Variants in PRORP observed in about 807,000 individuals in gnomAD.
The protein encoded by PRORP is protein only RNase P catalytic subunit.
In PRORP, 51 loss-of-function variants were observed where a neutral mutation model predicts 59.4. The observed-to-expected ratio is 0.86, with a 90% confidence interval of 0.69 to 1.08. The LOEUF (loss-of-function observed/expected upper bound fraction) is 1.08, where lower values mean the gene tolerates loss of function less well. PRORP is among the 50% of genes least tolerant of loss of function. The pLI is 0.00. For missense variants in PRORP, 646 were observed against 690.3 expected, an observed-to-expected ratio of 0.94 and a Z score of 0.72; for synonymous variants, 231 against 245.6, an observed-to-expected ratio of 0.94 and a Z score of 0.55.
intron 5 of PRORP, among the ~76,000 whole-genome samples, chr14:35,206,089 T>A (rs1306888806): frequency 6.6e-6 from 1 of 152,210 alleles, no homozygotes; most frequent in African/African-American, 2.4e-5. Flanking sequence ...AAATGTTGAA[T>A]GAATATTTGA....
In PRORP at chr14:35,123,580, TTCAAC is replaced by T. The variant is rs753424753; in HGVS notation, c.338_342del (p.Gln113ProfsTer12). 1 of 1,614,194 alleles carries T rather than the reference TTCAAC, an allele frequency of 6.2e-7. No homozygotes were observed. The highest frequency in any genetic ancestry group is 1.1e-5 in the South Asian group (1 of 91,090). ...GCCTTGGCACCTGTGAGGAACACTATTCAACTCCCAACACAACCTTTGAATTCAGA... is the reference window on the plus strand; with the variant it reads ...GCCTTGGCACCTGTGAGGAACACTATTCCCAACACAACCTTTGAATTCAGA... On this transcript the variant is annotated frameshift_variant, in exon 2 of 8. Transcript: ENST00000534898. LOFTEE classifies it high-confidence loss of function.
chr14:35,243,957 C>A (rs1021079482), intron 5 of PRORP, among the ~76,000 whole-genome samples: 1 of 152,072 alleles, frequency 6.6e-6, no homozygotes, highest in African/African-American at 2.4e-5. Flanking sequence ...AATTTATATA[C>A]CTGAAAAAAA....
At chr14:35,184,364 T>C (rs2048691682) in intron 5 of PRORP, among the ~76,000 whole-genome samples, 1 of 152,190 alleles carries the variant, frequency 6.6e-6, no homozygotes, top group Admixed American at 6.6e-5. Context: ...ATAATTCATG[T>C]CAGTAGAAAC....
intron 5 of PRORP, chr14:35,262,964 C>G: frequency 1.3e-6 from 2 of 1,598,868 alleles, no homozygotes. Context: ...CAGTTAAAAA[C>G]AAGGATATCA....
chr14:35,206,926 A>G (rs1214616140), intron 5 of PRORP, among the ~76,000 whole-genome samples: 1 of 152,226 alleles, frequency 6.6e-6, no homozygotes, highest in African/African-American at 2.4e-5. Context: ...TGTAGGGATT[A>G]TGCATGTATC....
intron 5 of PRORP, among the ~76,000 whole-genome samples, chr14:35,203,031 T>A (rs2049197050): frequency 6.6e-6 from 1 of 151,440 alleles, no homozygotes; most frequent in Non-Finnish European, 1.5e-5. Flanking sequence ...ATTTGTGTAG[T>A]GTTAAATTTT....
At chr14:35,180,562 G>T in intron 4 of PRORP, 108 bp from the exon 5 acceptor site, 2 of 626,826 alleles carry the variant, frequency 3.2e-6, no homozygotes, top group Non-Finnish European at 5.6e-6. Context: ...ATTTTTAAGG[G>T]ATGAATATTT....
At chr14:35,153,871 C>T (rs929993317) in intron 4 of PRORP, among the ~76,000 whole-genome samples, 11 of 152,180 alleles carry the variant, frequency 7.2e-5, no homozygotes, top group African/African-American at 2.7e-4. Flanking sequence ...AGTACTAATT[C>T]TGTTTCTTAA....
chr14:35,265,458 G>C (rs1241687678), intron 5 of PRORP, among the ~76,000 whole-genome samples: 2 of 152,174 alleles, frequency 1.3e-5, no homozygotes, highest in African/African-American at 4.8e-5. Context: ...GTATAGGCAA[G>C]CTCACCAAAG....
chr14:35,272,961 T>C (rs1375251576), intron 7 of PRORP, among the ~76,000 whole-genome samples: 2 of 152,230 alleles, frequency 1.3e-5, no homozygotes, highest in East Asian at 3.8e-4. Flanking sequence ...AATAGTTGTT[T>C]CTGTATCTTT....
intron 4 of PRORP, among the ~76,000 whole-genome samples, chr14:35,165,503 T>C (rs1387635146): frequency 6.6e-6 from 1 of 152,230 alleles, no homozygotes; most frequent in African/African-American, 2.4e-5. Flanking sequence ...TGTTTCTTAA[T>C]AGCATTGTGA....
In PRORP at chr14:35,275,074, T is replaced by TATGAGAGAAC. The variant is rs2051277042; in HGVS notation, c.*1509_*1518dup. 6.6e-6 allele frequency: 1 copy of TATGAGAGAAC among 152,162 alleles called. No homozygotes were observed. Among genetic ancestry groups the TATGAGAGAAC allele is most frequent in the Non-Finnish European group, 1.5e-5 (1 of 68,014 alleles). The allele number at this position is 152,162 out of a possible 1,614,324, so 9.4% of individuals were successfully genotyped here. On this transcript the variant is annotated 3_prime_UTR_variant, in exon 8 of 8. Coordinates refer to ENST00000534898, the MANE Select transcript of PRORP (RefSeq NM_014672.4). ...AATAGTAATTGCCTGAGGAAAGGGA[T>TATGAGAGAAC]ATGAGAGAACTTGAGAGAACTTTCT...
At position 35,276,629 on chromosome 14, in the gene PRORP, T is replaced by C. The variant is rs1479520639; in HGVS notation, c.*3063T>C. On this transcript the variant is annotated 3_prime_UTR_variant, in exon 8 of 8. Transcript: ENST00000534898. ...GGCTGCCCATTTGTGTTCTGATCAT[T>C]TGAGTGAAAAAAAGGTACCTGTCAA... The C allele has an allele frequency of 1.3e-5, 2 of 151,750 alleles. No individual in the cohort carries two copies. 9.4% of individuals were successfully genotyped at this position (151,750 alleles called of 1,614,324 possible).
chr14:35,182,554 A>G (rs568198669), intron 5 of PRORP, among the ~76,000 whole-genome samples: 40 of 152,306 alleles, frequency 2.6e-4, no homozygotes, highest in African/African-American at 9.6e-4. Context: ...CTGAGTCAAG[A>G]GAATTGCTTG....
intron 5 of PRORP, among the ~76,000 whole-genome samples, chr14:35,212,401 C>CTA (rs902207034): frequency 1.3e-5 from 2 of 152,178 alleles, no homozygotes; most frequent in African/African-American, 4.8e-5. Context: ...ACTATGGCAG[C>CTA]TATAGCCTTA....
At chr14:35,132,589 A>G (rs112427544) in intron 4 of PRORP, among the ~76,000 whole-genome samples, 1 of 152,048 alleles carries the variant, frequency 6.6e-6, no homozygotes, top group African/African-American at 2.4e-5. Context: ...GTTTAAGACC[A>G]GCCTGGCCAA....
intron 5 of PRORP, among the ~76,000 whole-genome samples, chr14:35,253,930 G>A (rs2050681652): frequency 1.3e-5 from 2 of 150,870 alleles, no homozygotes; most frequent in South Asian, 2.1e-4. Flanking sequence ...GTCCTGTTAC[G>A]GCTCATCTAC....
chr14:35,259,092 C>A (rs941787317), intron 5 of PRORP, among the ~76,000 whole-genome samples: 24 of 152,204 alleles, frequency 1.6e-4, no homozygotes, highest in Non-Finnish European at 2.5e-4. Context: ...TATTTCTCCT[C>A]CTGGTTCTGT....
At chr14:35,132,177 A>G (rs540399305) in intron 4 of PRORP, among the ~76,000 whole-genome samples, 1 of 149,874 alleles carries the variant, frequency 6.7e-6, no homozygotes, top group Admixed American at 6.7e-5. Flanking sequence ...GGATTATTCA[A>G]CTGGGTGTGG....
Sources: gnomAD v4.1 joint callset for allele counts (sites outside exome capture counted in the v4.1 genomes callset) on GRCh38, gnomAD v4.1.1 for gene constraint, MANE v1.5 for transcripts, NCBI Gene and HGNC (gene_info 2026-07-23, HGNC 2026-07-21) for gene names.